CPSF1: variants seen among roughly 807,000 people sequenced by gnomAD.
The protein encoded by CPSF1 is cleavage and polyadenylation specificity factor subunit 1.
CPSF1 carries 106 observed loss-of-function variants against 175.8 expected under a neutral mutation model. The observed-to-expected ratio is 0.60, with a 90% CI of 0.52 to 0.71. CPSF1 has a LOEUF of 0.71. Ranked by LOEUF, CPSF1 falls within the 30% of genes least tolerant of loss-of-function variation. CPSF1 has a pLI of 0.00. For synonymous variants in CPSF1, 1,024 were observed against 858.3 expected, an observed-to-expected ratio of 1.19 and a Z score of -3.37; for missense variants, 1,734 against 2,022.9, an observed-to-expected ratio of 0.86 and a Z score of 2.74.
At position 144,397,884 on chromosome 8, in the gene CPSF1, G is replaced by A. The variant is rs782800606; in HGVS notation, c.2074-5C>T. The A allele has an allele frequency of 4.6e-5, 74 of 1,602,616 alleles. No homozygotes were observed. Among genetic ancestry groups the A allele is most frequent in the Admixed American group, 1.0e-4 (6 of 59,826 alleles). On this transcript the variant is annotated splice_region_variant and splice_polypyrimidine_tract_variant and intron_variant, in intron 20 of 37. Transcript: ENST00000616140. ...CAGCGTAATCACCTTGGACTGCTGC[G>A]GGGAGAGGGGTGGGCTCAGCGGCGG... is the stretch of plus-strand genomic sequence containing the variant.
chr8:144,401,431 T>G lies in CPSF1; in HGVS notation c.305A>C (p.Lys102Thr). 2 of 1,614,022 alleles carry G rather than the reference T, an allele frequency of 1.2e-6. No homozygotes were observed. Among genetic ancestry groups the G allele is most frequent in the Non-Finnish European group, 1.7e-6 (2 of 1,179,984 alleles). The change falls in exon 4 of 38, where the codon AAG (lysine) becomes ACG (threonine). Residue 102 changes from lysine to threonine, a missense_variant and splice_region_variant. Lys to Thr is a moderately conservative substitution (Grantham distance 78, BLOSUM62 -1). Coordinates refer to ENST00000616140, the MANE Select transcript of CPSF1 (RefSeq NM_013291.3). ...DALLLSFKDA[K>T]LSVVEYDPGT... ...TACCCCACCAAGCCTACCACTCACC[T>G]TGGCATCCTTGAAGCTTAGGAGCAG...
Position 144,399,565 on chromosome 8 carries a change from C to G in CPSF1, c.1242+23G>C. ...GCAGTGCCCACATGAAGGGTGGTGGCCCAATGGGCCCAGGAAACCCACCTT... is the reference window on the plus strand; with the variant it reads ...GCAGTGCCCACATGAAGGGTGGTGGGCCAATGGGCCCAGGAAACCCACCTT... On this transcript the variant is annotated intron_variant, in intron 12 of 37. Transcript: ENST00000616140. This position sits in a 1 kb window ranked among gnomAD's most constrained non-coding sequence, Gnocchi z 6.4. 1 of 1,610,758 alleles carries G rather than the reference C, an allele frequency of 6.2e-7. No homozygotes were observed. The highest frequency in any genetic ancestry group is 8.5e-7 in the Non-Finnish European group (1 of 1,178,786).
rs2116879919 is a variant in CPSF1, at chr8:144,400,958, G to C, written c.505C>G (p.Leu169Val). Residue 169 changes from leucine to valine, a missense_variant, in exon 6 of 38, where the codon CTG becomes GTG. Physicochemically the swap from Leu to Val is conservative, Grantham distance 32. Transcript: ENST00000616140. ...ACGAGCCCCTCGTGCTCCTCAGCCA[G>C]GCTCTCCCTGCGGAAGGGCAGGACC... is the stretch of plus-strand genomic sequence containing the variant. ...LVVLPFRRES[L>V]AEEHEGLVGE... The C allele has an allele frequency of 6.2e-7, 1 of 1,608,646 alleles. No homozygotes were observed. Among genetic ancestry groups the C allele is most frequent in the African/African-American group, 1.3e-5 (1 of 74,982 alleles).
rs1325402214 is a variant in CPSF1 at position 144,399,058 on chromosome 8, G to A, written c.1468-20C>T. 2.6e-6 allele frequency: 4 copies of A among 1,562,846 alleles called. No individual in the cohort carries two copies. The highest frequency in any genetic ancestry group is 3.5e-6 in the Non-Finnish European group (4 of 1,154,182). On this transcript the variant is annotated intron_variant, in intron 15 of 37. Coordinates refer to ENST00000616140, the MANE Select transcript of CPSF1 (RefSeq NM_013291.3). The surrounding 1 kb of genome is among the most constrained non-coding windows in gnomAD (Gnocchi z 6.4). ...CTGAAACTGCACAGGACTCGGGGGT[G>A]AGGACTATGCCCCCCACCCCCCCTC...
intron 2 of CPSF1, among the ~76,000 whole-genome samples, chr8:144,406,075 C>T (rs1821483395): frequency 6.6e-6 from 1 of 152,172 alleles, no homozygotes; most frequent in African/African-American, 2.4e-5. Context: ...AGTTACAGAG[C>T]CACGACTAGA....
chr8:144,408,626 G>A lies in CPSF1; in HGVS notation c.144+389C>T, dbSNP rs887865218. 2.0e-5 allele frequency among the ~76,000 whole-genome samples: 3 copies of A among 152,206 alleles called. No individual in the cohort carries two copies. The South Asian group carries it at 6.2e-4, about 32-fold the overall frequency. On this transcript the variant is annotated intron_variant, in intron 2 of 37. Transcript: ENST00000616140. ...CTTCCTTCACTCCTTTATTCCCGCA[G>A]CAGCACTTGCTGCAGGGGCAGGTGT...
chr8:144,399,345 C>T lies in CPSF1; in HGVS notation c.1323G>A (p.Glu441=), dbSNP rs1167462928. Reference sequence around the variant, plus strand: ...TGCCGTACACTTCAATCTCGTCCACCTCATCCTGCGGCACCGACTTACCCG... The same window carrying T: ...TGCCGTACACTTCAATCTCGTCCACTTCATCCTGCGGCACCGACTTACCCG... ...SAAGKSVPQD[E]VDEIEVYGSE... The change falls in exon 14 of 38, where the codon GAG becomes GAA. Residue 441 remains glutamate, a synonymous_variant. Coordinates refer to ENST00000616140, the MANE Select transcript of CPSF1 (RefSeq NM_013291.3). The surrounding 1 kb of genome is among the most constrained non-coding windows in gnomAD (Gnocchi z 6.4). 4 of 1,612,578 alleles carry T rather than the reference C, an allele frequency of 2.5e-6. No individual in the cohort carries two copies. Among genetic ancestry groups the T allele is most frequent in the African/African-American group, 1.3e-5 (1 of 74,922 alleles).
At chr8:144,408,425 C>G (rs1277432635) in intron 2 of CPSF1, among the ~76,000 whole-genome samples, 1 of 152,208 alleles carries the variant, frequency 6.6e-6, no homozygotes, top group African/African-American at 2.4e-5. Flanking sequence ...CAAAACACCA[C>G]TGTATTTCCC....
At chr8:144,393,422 G>C in intron 37 of CPSF1, 30 bp downstream of exon 37, 1 of 1,525,860 alleles carries the variant, frequency 6.6e-7, no homozygotes, top group Non-Finnish European at 8.8e-7. Flanking sequence ...CGGAGGGGCG[G>C]GGCGCGCGGG....
chr8:144,407,267 G>A (rs1316665252), intron 2 of CPSF1, among the ~76,000 whole-genome samples: 1 of 151,126 alleles, frequency 6.6e-6, no homozygotes, highest in Non-Finnish European at 1.5e-5. Flanking sequence ...CCAGGCTGGA[G>A]TGTAATGGTG....
intron 2 of CPSF1, among the ~76,000 whole-genome samples, chr8:144,403,717 T>TATGTGCTACCATGCACGGCTA (rs1554868112): frequency 1.3e-5 from 2 of 151,524 alleles, no homozygotes; most frequent in Non-Finnish European, 2.9e-5. Flanking sequence ...CATGCCCGGC[T>TATGTGCTACCATGCACGGCTA]ATTTTTGTAT....
chr8:144,399,761 A>G lies in CPSF1; in HGVS notation c.1119+20T>C, dbSNP rs2116866054. The G allele has an allele frequency of 2.7e-4, 432 of 1,589,596 alleles. No individual in the cohort carries two copies. The highest frequency in any genetic ancestry group is 3.6e-4 in the Non-Finnish European group (421 of 1,168,550). On this transcript the variant is annotated intron_variant, in intron 11 of 37. Transcript: ENST00000616140. The surrounding 1 kb of genome is among the most constrained non-coding windows in gnomAD (Gnocchi z 6.4). ...CTGGGCCGGGTCTGGACCCAGACCCAACCCCTAGTCCCAACTCACGCTGGT... is the reference window on the plus strand; with the variant it reads ...CTGGGCCGGGTCTGGACCCAGACCCGACCCCTAGTCCCAACTCACGCTGGT...
Position 144,399,532 on chromosome 8 carries a change from ATGCCACAGCAG to A in CPSF1, c.1243-40_1243-30del. The A allele has an allele frequency of 6.2e-7, 1 of 1,612,166 alleles. No individual in the cohort carries two copies. Among genetic ancestry groups the A allele is most frequent in the South Asian group, 1.1e-5 (1 of 90,832 alleles). ...TGAGGCAGGAGGGGCACTGAGTGGC[ATGCCACAGCAG>A]TGCCCACATGAAGGGTGGTGGCCCA... On this transcript the variant is annotated intron_variant, in intron 12 of 37. Coordinates refer to ENST00000616140, the MANE Select transcript of CPSF1 (RefSeq NM_013291.3). This position sits in a 1 kb window ranked among gnomAD's most constrained non-coding sequence, Gnocchi z 6.4.
At chr8:144,396,185 C>T in intron 26 of CPSF1, 163 bp downstream of exon 26, 1 of 754,650 alleles carries the variant, frequency 1.3e-6, no homozygotes, top group Non-Finnish European at 2.1e-6. Flanking sequence ...TTTGGAGCAA[C>T]CAAGTCACAG....
Position 144,393,546 on chromosome 8 carries a change from T to C in CPSF1, c.4190A>G (p.Asn1397Ser), listed in dbSNP as rs1554862099. ...DRRTLQNAVR[N>S]VLDGELLNRY... ...GTTGAGCAGCTCCCCATCCAGCACG[T>C]TGCGCACGGCATTCTGGAGGGTGCG... Residue 1397 changes from asparagine to serine, a missense_variant, in exon 37 of 38, where the codon AAC (asparagine) becomes AGC (serine). Around this residue, in one of 10 missense-constraint regions of CPSF1, gnomAD observed 323 missense variants for 338.5 expected, o/e 0.95. Coordinates refer to ENST00000616140, the MANE Select transcript of CPSF1 (RefSeq NM_013291.3). 1 of 1,603,040 alleles carries C rather than the reference T, an allele frequency of 6.2e-7. No homozygotes were observed. The highest frequency in any genetic ancestry group is 8.5e-7 in the Non-Finnish European group (1 of 1,176,688).
intron 2 of CPSF1, among the ~76,000 whole-genome samples, chr8:144,408,018 G>C (rs1334105474): frequency 6.6e-6 from 1 of 152,204 alleles, no homozygotes; most frequent in Non-Finnish European, 1.5e-5. Flanking sequence ...AGCCTTCAGA[G>C]GACAGGAGCC....
In CPSF1 at chr8:144,393,444, G is replaced by A. The variant is rs781790085; in HGVS notation, c.4284+8C>T. 3.9e-6 allele frequency: 6 copies of A among 1,546,740 alleles called. No individual in the cohort carries two copies. The highest frequency in any genetic ancestry group is 2.7e-5 in the African/African-American group (2 of 72,870). On this transcript the variant is annotated splice_region_variant and intron_variant, in intron 37 of 37. Transcript: ENST00000616140. ...GCGGGGCGCGCGGGGGGCGGGGCGC[G>A]CACTCACTATGTCTGGTGTGGTGCC...
Position 144,399,205 on chromosome 8 carries a change from G to A in CPSF1, c.1393-3C>T, listed in dbSNP as rs2116860175. 4 of 1,610,560 alleles carry A rather than the reference G, an allele frequency of 2.5e-6. No individual in the cohort carries two copies. The South Asian group carries it at 4.4e-5, about 18-fold the overall frequency. Reference sequence around the variant, plus strand: ...ATGTTCAGGATGCTGTCACACACCTGCGGCACAGCAAGAGTCAGGGGCCCG... The same window carrying A: ...ATGTTCAGGATGCTGTCACACACCTACGGCACAGCAAGAGTCAGGGGCCCG... On this transcript the variant is annotated splice_region_variant and splice_polypyrimidine_tract_variant and intron_variant, in intron 14 of 37. Coordinates refer to ENST00000616140, the MANE Select transcript of CPSF1 (RefSeq NM_013291.3). This position sits in a 1 kb window ranked among gnomAD's most constrained non-coding sequence, Gnocchi z 6.4.
Position 144,394,295 on chromosome 8 carries a change from G to A in CPSF1, c.3750C>T (p.Ala1250=). 1 of 1,590,940 alleles carries A rather than the reference G, an allele frequency of 6.3e-7. No individual in the cohort carries two copies. Among genetic ancestry groups the A allele is most frequent in the Non-Finnish European group, 8.6e-7 (1 of 1,166,708 alleles). ...CCACGCTGTACACCTCCAGGGGCTTGGCATCCTGGGGGCGGGAAGGGGGCG... is the reference window on the plus strand; with the variant it reads ...CCACGCTGTACACCTCCAGGGGCTTAGCATCCTGGGGGCGGGAAGGGGGCG... The part of the protein sequence containing the change: ...SKTLSLVSRD[A]KPLEVYSVDF... The change falls in exon 33 of 38, where the codon GCC becomes GCT. Residue 1250 remains alanine (A), a synonymous_variant. Transcript: ENST00000616140.
Sources: gnomAD v4.1 joint callset for allele counts (sites outside exome capture counted in the v4.1 genomes callset) on GRCh38, gnomAD v4.1.1 for gene constraint, gnomAD v4.1.1 regional missense constraint, Gnocchi (gnomAD v3.1) non-coding constraint, MANE v1.5 for transcripts, NCBI Gene and HGNC (gene_info 2026-07-23, HGNC 2026-07-21) for gene names.